Variants in KCNH1 observed in about 807,000 individuals in gnomAD.
The protein encoded by KCNH1 is voltage-gated delayed rectifier potassium channel KCNH1.
In KCNH1, 27 loss-of-function variants were observed where a neutral mutation model predicts 69.2. The observed-to-expected ratio is 0.39, with a 90% confidence interval of 0.29 to 0.54. The LOEUF (loss-of-function observed/expected upper bound fraction) is 0.54. Among genes scored for constraint, KCNH1 ranks in the 20% least tolerant of loss-of-function variants. The pLI is 0.68. For synonymous variants in KCNH1, 456 were observed against 487.7 expected (o/e 0.93, Z 0.86); for missense variants, 798 against 1,261.6 (o/e 0.63, Z 5.57).
intron 6 of KCNH1, among the ~76,000 whole-genome samples, chr1:210,931,646 C>T (rs1035575412): frequency 6.6e-6 from 1 of 151,546 alleles, no homozygotes; most frequent in Non-Finnish European, 1.5e-5. Context: ...CAACTGTTCC[C>T]CAGAAACCTA....
At chr1:210,833,226 A>ATT (rs1370939029) in intron 7 of KCNH1, among the ~76,000 whole-genome samples, 5 of 152,190 alleles carry the variant, frequency 3.3e-5, no homozygotes, top group Non-Finnish European at 7.4e-5. Context: ...TAGGGCACAC[A>ATT]ACCTGAGAAT....
chr1:210,952,140 C>A (rs1030277468), intron 6 of KCNH1, among the ~76,000 whole-genome samples: 1 of 152,192 alleles, frequency 6.6e-6, no homozygotes, highest in Non-Finnish European at 1.5e-5. Flanking sequence ...TCCCTCAGCA[C>A]CTACTGCCCA....
At chr1:211,011,936 C>T (rs186744913) in intron 6 of KCNH1, among the ~76,000 whole-genome samples, 3 of 152,260 alleles carry the variant, frequency 2.0e-5, no homozygotes, top group African/African-American at 4.8e-5. Context: ...ATGGAGGCAG[C>T]GGCAACATCA....
rs1690883622 is a variant in KCNH1, at chr1:211,082,908, G to C, written c.440-10C>G. 3 of 1,609,050 alleles carry C rather than the reference G, an allele frequency of 1.9e-6. No homozygotes were observed. Among genetic ancestry groups the C allele is most frequent in the Non-Finnish European group, 2.6e-6 (3 of 1,176,216 alleles). ...GCAAACTTCCCCCAGCCTGAAGCAA[G>C]TGGAAGAGTGAAAAGACAGGGTCAA... On this transcript the variant is annotated splice_polypyrimidine_tract_variant and intron_variant, in intron 4 of 10. Transcript: ENST00000271751.
intron 9 of KCNH1, among the ~76,000 whole-genome samples, chr1:210,787,783 A>T (rs542594743): frequency 7.2e-5 from 11 of 152,338 alleles, no homozygotes; most frequent in African/African-American, 2.2e-4. Context: ...ACTAATTTAA[A>T]AAGAATTAAA....
At chr1:211,036,626 C>A (rs539323567) in intron 5 of KCNH1, among the ~76,000 whole-genome samples, 1 of 152,210 alleles carries the variant, frequency 6.6e-6, no homozygotes, top group South Asian at 2.1e-4. Flanking sequence ...TAGAAGCATG[C>A]CCTATGTTAG....
intron 5 of KCNH1, among the ~76,000 whole-genome samples, chr1:211,020,982 A>G (rs1370557166): frequency 1.3e-5 from 2 of 152,190 alleles, no homozygotes; most frequent in Non-Finnish European, 2.9e-5. Context: ...GAAGAAAGGT[A>G]CTCAAATGCC....
intron 10 of KCNH1, among the ~76,000 whole-genome samples, chr1:210,710,404 T>A (rs1246760791): frequency 2.6e-5 from 4 of 152,000 alleles, no homozygotes; most frequent in African/African-American, 9.7e-5. Flanking sequence ...GGTGGGTGGA[T>A]TGATAGACGG....
chr1:210,750,291 A>G (rs1303056506), intron 10 of KCNH1, among the ~76,000 whole-genome samples: 2 of 152,210 alleles, frequency 1.3e-5, no homozygotes, highest in Non-Finnish European at 2.9e-5. Flanking sequence ...GTCCAAAGTA[A>G]AGCAGAGTAC....
intron 7 of KCNH1, among the ~76,000 whole-genome samples, chr1:210,908,951 C>T (rs1687171817): frequency 6.6e-6 from 1 of 152,180 alleles, no homozygotes; most frequent in South Asian, 2.1e-4. Flanking sequence ...TCCTTTTGTT[C>T]TTCCTACCAA....
Position 211,019,150 on chromosome 1 carries a change from C to T in KCNH1, c.665G>A (p.Trp222Ter). The part of the protein sequence containing the change: ...HYCVFKTTWD[W>*]IILILTFYTA... ...ATAGAAGGTCAAGATCAAGATGATC[C>T]AATCCCACGTGGTCTTAAAAACACA... Residue 222 changes from tryptophan to a stop codon, truncating the protein, a stop_gained, in exon 6 of 11, where the codon TGG becomes TAG. Transcript: ENST00000271751. LOFTEE classifies it high-confidence loss of function. The T allele has an allele frequency of 6.2e-7, 1 of 1,613,912 alleles. No individual in the cohort carries two copies. Among genetic ancestry groups the T allele is most frequent in the Non-Finnish European group, 8.5e-7 (1 of 1,179,880 alleles).
At chr1:210,978,850 T>C (rs1005498449) in intron 6 of KCNH1, among the ~76,000 whole-genome samples, 2 of 152,216 alleles carry the variant, frequency 1.3e-5, no homozygotes, top group African/African-American at 4.8e-5. Context: ...GGTAGGCACA[T>C]GCACTCAAAG....
chr1:210,893,795 T>C (rs1350625484), intron 7 of KCNH1, among the ~76,000 whole-genome samples: 1 of 152,104 alleles, frequency 6.6e-6, no homozygotes, highest in Admixed American at 6.6e-5. Flanking sequence ...AATTCTTTTC[T>C]CTCTATGTAT....
At chr1:210,859,958 T>A in intron 7 of KCNH1, 1 of 1,585,664 alleles carries the variant, frequency 6.3e-7, no homozygotes, top group South Asian at 1.1e-5. Context: ...AAAGTTCACT[T>A]GTCTTAACCT....
chr1:211,077,628 C>A (rs958368402), intron 5 of KCNH1, among the ~76,000 whole-genome samples: 1 of 152,158 alleles, frequency 6.6e-6, no homozygotes, highest in South Asian at 2.1e-4. Context: ...TGAAAAGGAA[C>A]AACCACTACC....
At chr1:211,027,532 C>A (rs1235609611) in intron 5 of KCNH1, among the ~76,000 whole-genome samples, 1 of 150,872 alleles carries the variant, frequency 6.6e-6, no homozygotes, top group Non-Finnish European at 1.5e-5. Context: ...TGAGCCCAGG[C>A]GGTTGAGGCA....
At position 210,919,045 on chromosome 1, in the gene KCNH1, C is replaced by T. The variant is rs78685028; in HGVS notation, c.1462+595G>A. 12,052 of 152,208 alleles carry T rather than the reference C, an allele frequency of 0.079. 678 individuals carry two copies. The highest frequency in any genetic ancestry group is 0.18 in the South Asian group (879 of 4,828). 9.4% of individuals were successfully genotyped at this position (152,208 alleles called of 1,614,324 possible). A position where few individuals can be genotyped will look rare whatever the true frequency, so the allele number is the denominator to read the frequency against. On this transcript the variant is annotated intron_variant, in intron 7 of 10. Coordinates refer to ENST00000271751, the MANE Select transcript of KCNH1 (RefSeq NM_172362.3). The surrounding 1 kb of genome is among the most constrained non-coding windows in gnomAD (Gnocchi z 4.2). ...TTGACATGTAGGACATGTAGCATGA[C>T]GGCTATAGTTAATAATACTGTAATG...
intron 9 of KCNH1, among the ~76,000 whole-genome samples, chr1:210,796,990 C>T (rs1402882613): frequency 6.6e-6 from 1 of 152,182 alleles, no homozygotes; most frequent in Admixed American, 6.5e-5. Context: ...TTCACTCCCT[C>T]CCTAGTCTGA....
chr1:210,853,196 T>A (rs1685748134), intron 7 of KCNH1, among the ~76,000 whole-genome samples: 1 of 152,158 alleles, frequency 6.6e-6, no homozygotes, highest in South Asian at 2.1e-4. Flanking sequence ...TTTGTTCCTT[T>A]TTGAGTCTCA....
Sources: gnomAD v4.1 joint callset for allele counts (sites outside exome capture counted in the v4.1 genomes callset) on GRCh38, gnomAD v4.1.1 for gene constraint, Gnocchi (gnomAD v3.1) non-coding constraint, MANE v1.5 for transcripts, NCBI Gene and HGNC (gene_info 2026-07-23, HGNC 2026-07-21) for gene names.